Variants in PDGFRA observed in about 807,000 individuals in gnomAD.
PDGFRA encodes the protein platelet-derived growth factor receptor alpha.
Under a neutral mutation model 121.5 loss-of-function variants are expected in PDGFRA, and 25 were observed. The ratio of observed to expected loss-of-function variants is 0.21; its 90% CI spans 0.15 to 0.29. The LOEUF (loss-of-function observed/expected upper bound fraction) is 0.29, where lower values mean the gene tolerates loss of function less well. Ranked by LOEUF, PDGFRA falls within the 10% of genes least tolerant of loss-of-function variation. The pLI is 1.00. For missense variants in PDGFRA, 1,008 were observed against 1,345.1 expected, an observed-to-expected ratio of 0.75 and a Z score of 3.92; for synonymous variants, 463 against 494.8, an observed-to-expected ratio of 0.94 and a Z score of 0.85.
At position 54,295,513 on chromosome 4, in the gene PDGFRA, G is replaced by C; in HGVS notation, c.*241G>C. On this transcript the variant is annotated 3_prime_UTR_variant, in exon 23 of 23. Transcript: ENST00000257290. ...ATCTCAGTGGTGTGTGAAGTTTGGA[G>C]ATAGATGGATAAGGGAATAATAGGC... The C allele has an allele frequency of 1.9e-6, 1 of 537,424 alleles. No individual in the cohort carries two copies. The highest frequency in any genetic ancestry group is 2.1e-5 in the South Asian group (1 of 47,692). The allele number at this position is 537,424 out of a possible 1,614,324, so 33.3% of individuals were successfully genotyped here. A position where few individuals can be genotyped will look rare whatever the true frequency, so the allele number is the denominator to read the frequency against.
chr4:54,241,341 C>T (rs999714802), intron 1 of PDGFRA, among the ~76,000 whole-genome samples: 3 of 151,910 alleles, frequency 2.0e-5, no homozygotes, highest in Non-Finnish European at 2.9e-5. Context: ...GAGAAAGGAT[C>T]TTATATGATA....
rs761412533 is a variant in PDGFRA at position 54,290,387 on chromosome 4, C to A, written c.2955C>A (p.Asp985Glu). The A allele has an allele frequency of 6.2e-7, 1 of 1,613,170 alleles. No individual in the cohort carries two copies. Among genetic ancestry groups the A allele is most frequent in the South Asian group, 1.1e-5 (1 of 91,050 alleles). ...TGGCACGCATGCGTGTGGACTCAGA[C>A]AATGCATACATTGGTGTCACCTACA... ...PAVARMRVDS[D>E]NAYIGVTYKN... The change falls in exon 22 of 23, where the codon GAC (aspartate) becomes GAA (glutamate). Residue 985 changes from aspartate (D) to glutamate (E), a missense_variant. Asp to Glu is a conservative substitution (Grantham distance 45, BLOSUM62 2). Transcript: ENST00000257290.
At chr4:54,283,814 G>C (rs1724185097) in intron 16 of PDGFRA, among the ~76,000 whole-genome samples, 1 of 151,970 alleles carries the variant, frequency 6.6e-6, no homozygotes, top group African/African-American at 2.4e-5. Context: ...TGTTGTCCAG[G>C]CTAGTTTGAA....
chr4:54,275,400 T>C (rs557634026), intron 12 of PDGFRA, among the ~76,000 whole-genome samples: 11 of 152,220 alleles, frequency 7.2e-5, no homozygotes, highest in Non-Finnish European at 1.6e-4. Context: ...ATTTGGAATA[T>C]GGAATATAAA....
At chr4:54,272,251 G>A (rs1723441276) in intron 8 of PDGFRA, 143 bp from the exon 9 acceptor site, 1 of 796,462 alleles carries the variant, frequency 1.3e-6, no homozygotes, top group African/African-American at 1.7e-5. Context: ...CTAAACTGGA[G>A]TGTTACTTGT....
intron 21 of PDGFRA, among the ~76,000 whole-genome samples, chr4:54,289,608 G>T (rs1724527588): frequency 6.6e-6 from 1 of 152,224 alleles, no homozygotes. Flanking sequence ...TTCTGCTGAG[G>T]TGTTGAGAGG....
At chr4:54,289,222 CTG>C (rs1195030159) in intron 21 of PDGFRA, 108 bp downstream of exon 21, 5 of 737,868 alleles carry the variant, frequency 6.8e-6, no homozygotes, top group African/African-American at 1.7e-5. Context: ...AGGCAAAAGA[CTG>C]TGTGATCCAG....
At chr4:54,280,811 G>A (rs374891193) in intron 16 of PDGFRA, 1 of 171,940 alleles carries the variant, frequency 5.8e-6, no homozygotes, top group Admixed American at 5.8e-5. Flanking sequence ...TTTTATTGCT[G>A]TCTTTTTCTT....
chr4:54,289,006 C>A lies in PDGFRA; in HGVS notation c.2775-3C>A. Reference sequence around the variant, plus strand: ...TGCCCACTCTTGAGTTCTGTCCCCACAGCTACGAGATCATGGTGAAATGCT... The same window carrying A: ...TGCCCACTCTTGAGTTCTGTCCCCAAAGCTACGAGATCATGGTGAAATGCT... On this transcript the variant is annotated splice_region_variant and splice_polypyrimidine_tract_variant and intron_variant, in intron 20 of 22. Transcript: ENST00000257290. The A allele has an allele frequency of 6.3e-7, 1 of 1,599,186 alleles. No individual in the cohort carries two copies. Among genetic ancestry groups the A allele is most frequent in the Non-Finnish European group, 8.6e-7 (1 of 1,166,368 alleles).
chr4:54,267,535 A>G lies in PDGFRA; in HGVS notation c.932-17A>G. On this transcript the variant is annotated splice_polypyrimidine_tract_variant and intron_variant, in intron 6 of 22. Coordinates refer to ENST00000257290, the MANE Select transcript of PDGFRA (RefSeq NM_006206.6). ...TATGTGGTAATCATTATTTAATGGA[A>G]ACTCTTCCCTGTACAGAGAAAGGTT... The G allele has an allele frequency of 6.2e-7, 1 of 1,614,102 alleles. No homozygotes were observed. Among genetic ancestry groups the G allele is most frequent in the Non-Finnish European group, 8.5e-7 (1 of 1,179,954 alleles).
chr4:54,284,839 T>C (rs968900531), intron 16 of PDGFRA, among the ~76,000 whole-genome samples: 2 of 151,654 alleles, frequency 1.3e-5, no homozygotes, highest in African/African-American at 4.8e-5. Flanking sequence ...ACCAGATATA[T>C]GTTTCTGCAT....
chr4:54,264,587 G>A (rs1160446323), intron 4 of PDGFRA: 1 of 336,896 alleles, frequency 3.0e-6, no homozygotes, highest in African/African-American at 2.2e-5. Flanking sequence ...ATCAGCAAAT[G>A]TTGGTTGATT....
At chr4:54,243,039 C>T (rs1182640370) in intron 1 of PDGFRA, among the ~76,000 whole-genome samples, 2 of 152,132 alleles carry the variant, frequency 1.3e-5, no homozygotes, top group African/African-American at 4.8e-5. Flanking sequence ...GTTATTACTA[C>T]AGACCAATAC....
chr4:54,287,372 C>A, intron 18 of PDGFRA, 58 bp from the exon 19 acceptor site: 1 of 795,224 alleles, frequency 1.3e-6, no homozygotes, highest in Non-Finnish European at 2.3e-6. Flanking sequence ...TCTATTTCCA[C>A]TGCTGTGGAT....
intron 1 of PDGFRA, among the ~76,000 whole-genome samples, chr4:54,255,752 G>A (rs57735051): frequency 0.018 from 2,737 of 151,930 alleles, 93 homozygotes; most frequent in African/African-American, 0.063. Flanking sequence ...TGATCTGCCC[G>A]CCTCAGCCTC....
intron 22 of PDGFRA, 72 bp from the exon 23 acceptor site, chr4:54,295,053 C>A: frequency 6.8e-7 from 1 of 1,474,290 alleles, no homozygotes; most frequent in Non-Finnish European, 9.5e-7. Flanking sequence ...TTTCGTTTGT[C>A]TCTGGGGGGC....
In PDGFRA at chr4:54,267,568, A is replaced by G; in HGVS notation, c.948A>G (p.Glu316=). The change falls in exon 7 of 23, where the codon GAA becomes GAG. Residue 316 remains glutamate, a synonymous_variant. Coordinates refer to ENST00000257290, the MANE Select transcript of PDGFRA (RefSeq NM_006206.6). ...CCTGTACAGAGAAAGGTTTCATTGA[A>G]ATCAAACCCACCTTCAGCCAGTTGG... ...TISVHEKGFI[E]IKPTFSQLEA... 1 of 1,614,190 alleles carries G rather than the reference A, an allele frequency of 6.2e-7. No homozygotes were observed. Among genetic ancestry groups the G allele is most frequent in the South Asian group, 1.1e-5 (1 of 91,084 alleles).
chr4:54,250,289 C>A (rs1241634912), intron 1 of PDGFRA, among the ~76,000 whole-genome samples: 1 of 152,178 alleles, frequency 6.6e-6, no homozygotes, highest in Non-Finnish European at 1.5e-5. Context: ...GTAATATCAA[C>A]TGTTTAAACC....
At chr4:54,276,070 G>A (rs891325915) in intron 12 of PDGFRA, among the ~76,000 whole-genome samples, 1 of 152,132 alleles carries the variant, frequency 6.6e-6, no homozygotes, top group African/African-American at 2.4e-5. Flanking sequence ...TGGAGACCCT[G>A]TATTTCGATG....
Sources: allele counts gnomAD v4.1 joint callset (sites outside exome capture counted in the v4.1 genomes callset), GRCh38; gene constraint gnomAD v4.1.1; transcripts MANE v1.5; gene names NCBI Gene and HGNC (gene_info 2026-07-23, HGNC 2026-07-21).